COL4A4: variants seen among roughly 807,000 people sequenced by gnomAD.
COL4A4 encodes collagen type IV alpha 4 chain.
Under a neutral mutation model 192.9 loss-of-function variants are expected in COL4A4, and 105 were observed. The ratio of observed to expected loss-of-function variants is 0.54; its 90% confidence interval spans 0.46 to 0.64. The LOEUF is 0.64. COL4A4 is among the 30% of genes least tolerant of loss of function. The pLI, the probability that COL4A4 is intolerant of heterozygous loss-of-function variation, is 0.00. For synonymous variants in COL4A4, 762 were observed against 769.9 expected (o/e 0.99, Z 0.17); for missense variants, 1,967 against 2,169.3 (o/e 0.91, Z 1.85).
intron 25 of COL4A4, among the ~76,000 whole-genome samples, chr2:227,074,367 CA>C (rs1279072141): frequency 1.3e-5 from 2 of 151,800 alleles, no homozygotes; most frequent in South Asian, 2.1e-4. Flanking sequence ...CTTACTCCTG[CA>C]AAAAATGGCC....
intron 12 of COL4A4, among the ~76,000 whole-genome samples, chr2:227,106,199 G>A (rs904957172): frequency 1.3e-5 from 2 of 151,878 alleles, no homozygotes; most frequent in South Asian, 2.1e-4. Flanking sequence ...TATCTGCTGT[G>A]TGAATAAACC....
chr2:226,987,339 T>TA, the COL4A4 span, among the ~76,000 whole-genome samples: 69 of 145,294 alleles, frequency 4.7e-4, no homozygotes, highest in African/African-American at 1.0e-3. Context: ...ACTTAAAGTA[T>TA]AAAAAAAAAA....
In COL4A4 at chr2:227,047,535, G is replaced by C. The variant is rs1973138433; in HGVS notation, c.3229C>G (p.Pro1077Ala). 6.2e-7 allele frequency: 1 copy of C among 1,613,078 alleles called. No homozygotes were observed. Among genetic ancestry groups the C allele is most frequent in the South Asian group, 1.1e-5 (1 of 91,040 alleles). The change falls in exon 35 of 48, where the codon CCT becomes GCT. Residue 1077 changes from proline to alanine, a missense_variant. Coordinates refer to ENST00000396625, the MANE Select transcript of COL4A4 (RefSeq NM_000092.5). ...CCAGGTGGACCAAAGTGACTGGCAG[G>C]GTCACCTTTGTTTCCTGAAAGGGAT... ...ARGPKGNKGD[P>A]ASHFGPPGPK...
rs752894632 is a variant in COL4A4 at position 227,094,324 on chromosome 2, C to T, written c.1205-35G>A. ...AAATCAAGAATGAAAATTACATATACTCTCAGAGTAAACGTCTCTGTAGAA... is the reference window on the plus strand; with the variant it reads ...AAATCAAGAATGAAAATTACATATATTCTCAGAGTAAACGTCTCTGTAGAA... On this transcript the variant is annotated intron_variant, in intron 19 of 47. Coordinates refer to ENST00000396625, the MANE Select transcript of COL4A4 (RefSeq NM_000092.5). 16 of 1,600,434 alleles carry T rather than the reference C, an allele frequency of 1.0e-5. No individual in the cohort carries two copies. The South Asian group carries it at 1.4e-4, about 14-fold the overall frequency.
Position 227,005,993 on chromosome 2 carries a change from T to C in COL4A4, c.*1332A>G, listed in dbSNP as rs1442231626. ...ACACATTCTAAACTTTTTTAGAAAATACTAATGCCAAATGTCAAACTGTTG... is the reference window on the plus strand; with the variant it reads ...ACACATTCTAAACTTTTTTAGAAAACACTAATGCCAAATGTCAAACTGTTG... On this transcript the variant is annotated 3_prime_UTR_variant, in exon 48 of 48. Transcript: ENST00000396625. 2 of 152,340 alleles carry C rather than the reference T, an allele frequency of 1.3e-5. No homozygotes were observed. Among genetic ancestry groups the C allele is most frequent in the African/African-American group, 2.4e-5 (1 of 41,448 alleles). The allele number at this position is 152,340 out of a possible 1,614,324, so 9.4% of individuals were successfully genotyped here.
intron 3 of COL4A4, among the ~76,000 whole-genome samples, chr2:227,141,411 G>A (rs1434161128): frequency 2.0e-5 from 3 of 152,158 alleles, no homozygotes; most frequent in Non-Finnish European, 4.4e-5. Context: ...ATATGTATGT[G>A]TGAATGCATT....
chr2:227,111,419 G>A (rs1352719812), intron 9 of COL4A4, among the ~76,000 whole-genome samples: 1 of 152,156 alleles, frequency 6.6e-6, no homozygotes, highest in East Asian at 1.9e-4. Flanking sequence ...AGACAGAAGA[G>A]GAAGGCAGGA....
intron 12 of COL4A4, among the ~76,000 whole-genome samples, chr2:227,107,508 G>A (rs1481122426): frequency 6.6e-6 from 1 of 152,122 alleles, no homozygotes; most frequent in African/African-American, 2.4e-5. Flanking sequence ...TCATGAAGTT[G>A]TTATATATAT....
chr2:227,110,550 T>G (rs1186051654), intron 9 of COL4A4, among the ~76,000 whole-genome samples: 1 of 151,772 alleles, frequency 6.6e-6, no homozygotes, highest in Admixed American at 6.6e-5. Context: ...GTCTGGCTAA[T>G]TTTTGTATTT....
intron 22 of COL4A4, among the ~76,000 whole-genome samples, chr2:227,083,338 T>C (rs750705936): frequency 6.6e-6 from 1 of 152,188 alleles, no homozygotes; most frequent in Admixed American, 6.5e-5. Flanking sequence ...TACCTAGTGA[T>C]ATCAATAATC....
At chr2:227,013,104 C>T (rs773113227) in intron 44 of COL4A4, among the ~76,000 whole-genome samples, 12 of 152,134 alleles carry the variant, frequency 7.9e-5, no homozygotes, top group Non-Finnish European at 1.3e-4. Context: ...TTTAAGTATG[C>T]AGTTACTTTT....
downstream of COL4A4, among the ~76,000 whole-genome samples, chr2:227,002,447 G>A (rs1961225675): frequency 6.6e-6 from 1 of 152,216 alleles, no homozygotes; most frequent in South Asian, 2.1e-4. Flanking sequence ...TAAGCCCCAT[G>A]CCCACTGACC....
intron 22 of COL4A4, among the ~76,000 whole-genome samples, chr2:227,082,586 T>G (rs1324581344): frequency 2.0e-5 from 3 of 152,162 alleles, no homozygotes; most frequent in South Asian, 4.1e-4. Flanking sequence ...AAATTAAAAT[T>G]TATAACTAAT....
At chr2:227,127,192 G>T (rs894506911) in intron 4 of COL4A4, among the ~76,000 whole-genome samples, 7 of 152,204 alleles carry the variant, frequency 4.6e-5, no homozygotes, top group African/African-American at 1.4e-4. Flanking sequence ...GGCTACGTGC[G>T]CATGCAACTG....
Position 227,007,328 on chromosome 2 carries a change from G to C in COL4A4, c.5070C>G (p.Ser1690Arg), listed in dbSNP as rs762885668. 6.8e-6 allele frequency: 11 copies of C among 1,614,214 alleles called. No individual in the cohort carries two copies. Among genetic ancestry groups the C allele is most frequent in the Non-Finnish European group, 6.8e-6 (8 of 1,180,044 alleles). ...GTGTTGGTGAATTTCGCATTCTCTAGCTATACTTCACGCAGACCTGGCACC... is the reference window on the plus strand; with the variant it reads ...GTGTTGGTGAATTTCGCATTCTCTACCTATACTTCACGCAGACCTGGCACC... ...ISRCQVCVKY[S>R] The change falls in exon 48 of 48, where the codon AGC (serine) becomes AGG (arginine). Residue 1690 changes from serine (S) to arginine (R), a missense_variant. Ser to Arg is a moderately radical substitution (Grantham distance 110, BLOSUM62 -1). Coordinates refer to ENST00000396625, the MANE Select transcript of COL4A4 (RefSeq NM_000092.5).
intron 1 of COL4A4, among the ~76,000 whole-genome samples, chr2:227,149,979 G>A (rs887219335): frequency 6.6e-6 from 1 of 152,196 alleles, no homozygotes; most frequent in Non-Finnish European, 1.5e-5. Context: ...CTCATCACAT[G>A]TCCTTGGTTA....
At chr2:227,080,218 G>T (rs1003467833) in intron 24 of COL4A4, among the ~76,000 whole-genome samples, 2 of 152,174 alleles carry the variant, frequency 1.3e-5, no homozygotes, top group Non-Finnish European at 2.9e-5. Context: ...AGGACCGAAA[G>T]TCCTGCTAGG....
intron 31 of COL4A4, among the ~76,000 whole-genome samples, chr2:227,053,323 A>G (rs909689875): frequency 1.3e-5 from 2 of 152,110 alleles, no homozygotes; most frequent in African/African-American, 4.8e-5. Context: ...TTAATTCAAT[A>G]TGAGGCTACT....
intron 44 of COL4A4, among the ~76,000 whole-genome samples, chr2:227,015,852 T>C (rs1175598249): frequency 1.3e-5 from 2 of 152,196 alleles, no homozygotes; most frequent in Non-Finnish European, 2.9e-5. Context: ...ATGCCTAGGA[T>C]GATCGTGCAG....
Sources: allele counts gnomAD v4.1 joint callset (sites outside exome capture counted in the v4.1 genomes callset), GRCh38; gene constraint gnomAD v4.1.1; transcripts MANE v1.5; gene names NCBI Gene and HGNC (gene_info 2026-07-23, HGNC 2026-07-21).